PACRG: variants seen among roughly 807,000 people sequenced by gnomAD.
PACRG encodes the protein parkin coregulated gene protein.
Under a neutral mutation model 29.7 loss-of-function variants are expected in PACRG, and 29 were observed. The observed-to-expected ratio is 0.98, with a 90% CI of 0.73 to 1.33. The LOEUF (loss-of-function observed/expected upper bound fraction) is 1.33, where lower values mean the gene tolerates loss of function less well. Ranked by LOEUF, PACRG falls within the 40% of genes most tolerant of loss-of-function variation. The pLI is 0.00. For missense variants in PACRG, 279 were observed against 316.2 expected, an observed-to-expected ratio of 0.88 and a Z score of 0.89; for synonymous variants, 116 against 118.7, an observed-to-expected ratio of 0.98 and a Z score of 0.15.
At chr6:162,936,346 A>G (rs1452546384) in intron 2 of PACRG, among the ~76,000 whole-genome samples, 5 of 152,222 alleles carry the variant, frequency 3.3e-5, no homozygotes, top group Non-Finnish European at 5.9e-5. Context: ...TAGACTTGCC[A>G]TAAGTAGAAT....
intron 2 of PACRG, among the ~76,000 whole-genome samples, chr6:162,986,159 A>G (rs1334240548): frequency 2.0e-5 from 3 of 152,126 alleles, no homozygotes; most frequent in Non-Finnish European, 4.4e-5. Context: ...TACAAATTCA[A>G]TGCAATTTTC....
intron 4 of PACRG, among the ~76,000 whole-genome samples, chr6:163,213,090 T>C (rs7776125): frequency 0.21 from 32,554 of 152,114 alleles, 3,650 homozygotes; most frequent in Middle Eastern, 0.28. Context: ...AAACTGACAA[T>C]CTTAATTGAA....
rs1815052740 is a variant in PACRG at position 163,100,990 on chromosome 6, A to G, written c.613+11582A>G. The G allele has an allele frequency of 8.1e-6, 8 of 983,902 alleles. No homozygotes were observed. In the South Asian group the frequency reaches 2.8e-4, roughly 35 times the overall value. 60.9% of individuals were successfully genotyped at this position (983,902 alleles called of 1,614,324 possible). ...ACCAAGTTCTGTTCAGAGCCCTCGA[A>G]GATCAATTTACTTTTTTTGCTCTTA... is the stretch of plus-strand genomic sequence containing the variant. On this transcript the variant is annotated intron_variant, in intron 4 of 4. Coordinates refer to ENST00000366888, the MANE Select transcript of PACRG (RefSeq NM_001080379.2).
intron 2 of PACRG, among the ~76,000 whole-genome samples, chr6:162,838,726 A>G (rs192904659): frequency 0.014 from 2,041 of 141,922 alleles, 19 homozygotes; most frequent in Non-Finnish European, 0.024. Flanking sequence ...ATATCTCCCA[A>G]TGCTATCCCT....
intron 2 of PACRG, among the ~76,000 whole-genome samples, chr6:162,815,762 G>T (rs1459470829): frequency 6.6e-6 from 1 of 152,032 alleles, no homozygotes. Flanking sequence ...TTGATTGGTT[G>T]CATGGATTTT....
intron 1 of PACRG, among the ~76,000 whole-genome samples, chr6:162,769,951 T>C (rs1180589503): frequency 1.3e-5 from 2 of 152,078 alleles, no homozygotes; most frequent in African/African-American, 4.8e-5. Flanking sequence ...TCTTGAGGCC[T>C]CCTAGATTTT....
At chr6:163,176,848 GAGAGAGGGAA>G (rs1274050547) in intron 4 of PACRG, among the ~76,000 whole-genome samples, 1 of 152,228 alleles carries the variant, frequency 6.6e-6, no homozygotes, top group African/African-American at 2.4e-5. Context: ...GAAAAGGCTG[GAGAGAGGGAA>G]AGTCAAGAAA....
In PACRG at chr6:163,158,748, A is replaced by T. The variant is rs138007585; in HGVS notation, c.613+69340A>T. Among the ~76,000 whole-genome samples the T allele has an allele frequency of 7.0e-3, 1,073 of 152,330 alleles. 11 individuals are homozygous for T. Among genetic ancestry groups the T allele is most frequent in the South Asian group, 0.028 (135 of 4,826 alleles). The stretch of plus-strand genomic sequence containing the variant: ...TACTAGGAAATAATATTGCACACTG[A>T]CGTGCCAGGTACCTCCTCACACTGC... On this transcript the variant is annotated intron_variant, in intron 4 of 4. Coordinates refer to ENST00000366888, the MANE Select transcript of PACRG (RefSeq NM_001080379.2).
At chr6:163,108,139 G>C (rs1187930043) in intron 4 of PACRG, among the ~76,000 whole-genome samples, 1 of 152,150 alleles carries the variant, frequency 6.6e-6, no homozygotes, top group Non-Finnish European at 1.5e-5. Flanking sequence ...GGAGGGGCCA[G>C]GTGGGAGGTG....
At chr6:163,204,363 C>T (rs1780817395) in intron 4 of PACRG, among the ~76,000 whole-genome samples, 1 of 152,168 alleles carries the variant, frequency 6.6e-6, no homozygotes, top group Admixed American at 6.5e-5. Context: ...TCAATTTTCT[C>T]TAGATTATAT....
chr6:163,181,666 TG>T (rs1384476694), intron 4 of PACRG, among the ~76,000 whole-genome samples: 1 of 150,518 alleles, frequency 6.6e-6, no homozygotes, highest in Non-Finnish European at 1.5e-5. Context: ...TTTTTATAGA[TG>T]TATTTTTGTT....
chr6:162,811,560 A>G (rs1480474368), intron 1 of PACRG, among the ~76,000 whole-genome samples: 6 of 152,180 alleles, frequency 3.9e-5, no homozygotes, highest in Admixed American at 3.3e-4. Flanking sequence ...GCAGAAAAAA[A>G]TTGAAAAAAT....
intron 3 of PACRG, among the ~76,000 whole-genome samples, chr6:163,071,004 A>G (rs1811992770): frequency 6.6e-6 from 1 of 152,126 alleles, no homozygotes. Context: ...TAACAGTTGT[A>G]AATATGTAAG....
intron 2 of PACRG, among the ~76,000 whole-genome samples, chr6:162,928,402 C>T (rs11970224): frequency 0.014 from 2,195 of 151,788 alleles, 62 homozygotes; most frequent in African/African-American, 0.05. Flanking sequence ...TGGGTCTTCT[C>T]TATTTTTTTC....
chr6:162,781,545 G>C (rs1367306267), intron 1 of PACRG, among the ~76,000 whole-genome samples: 1 of 151,448 alleles, frequency 6.6e-6, no homozygotes, highest in African/African-American at 2.4e-5. Flanking sequence ...TTAATCTACT[G>C]TTTAGATAAA....
intron 1 of PACRG, among the ~76,000 whole-genome samples, chr6:162,742,132 G>A (rs1051129465): frequency 4.6e-5 from 7 of 152,014 alleles, no homozygotes; most frequent in African/African-American, 7.2e-5. Context: ...TAGATTCCAC[G>A]TATGATATGG....
chr6:162,961,682 G>A (rs975175114), intron 2 of PACRG, among the ~76,000 whole-genome samples: 1 of 152,072 alleles, frequency 6.6e-6, no homozygotes, highest in Non-Finnish European at 1.5e-5. Flanking sequence ...GACTGGAATC[G>A]ATGAGTCAGT....
chr6:162,815,341 A>G (rs1160226450), intron 2 of PACRG, among the ~76,000 whole-genome samples: 1 of 151,622 alleles, frequency 6.6e-6, no homozygotes, highest in East Asian at 1.9e-4. Context: ...TAGCTTAAAA[A>G]GGTGCATTAA....
At chr6:162,974,031 G>A (rs4329088) in intron 2 of PACRG, among the ~76,000 whole-genome samples, 70,585 of 152,030 alleles carry the variant, frequency 0.46, 17,275 homozygotes, top group South Asian at 0.61. Context: ...TGAAATGTTA[G>A]TGGAAAGTTC....
Sources: gnomAD v4.1 joint callset for allele counts (sites outside exome capture counted in the v4.1 genomes callset) on GRCh38, gnomAD v4.1.1 for gene constraint, MANE v1.5 for transcripts, NCBI Gene and HGNC (gene_info 2026-07-23, HGNC 2026-07-21) for gene names.